The following NSD1 variants were observed in gnomAD, a reference collection of about 807,000 sequenced individuals.
The protein encoded by NSD1 is nuclear receptor binding SET domain protein 1.
In NSD1, 26 loss-of-function variants were observed where a neutral mutation model predicts 242.7. That is an observed-to-expected ratio of 0.11 (90% CI 0.08 to 0.15). NSD1 has a LOEUF of 0.15. Among genes scored for constraint, NSD1 ranks in the 10% least tolerant of loss-of-function variants. The pLI, the probability that NSD1 is intolerant of heterozygous loss-of-function variation, is 1.00. For missense variants in NSD1, 2,495 were observed against 3,272.8 expected (o/e 0.76, Z 5.80); for synonymous variants, 1,106 against 1,178.1 (o/e 0.94, Z 1.25).
chr5:177,260,172 A>G lies in NSD1; in HGVS notation c.5146+4A>G, dbSNP rs779891186. On this transcript the variant is annotated splice_donor_region_variant and intron_variant, in intron 14 of 22. Transcript: ENST00000439151. ...TGGTGCTTTGTGTGCTCAGAAGGTA[A>G]GAAATCATTTCTTCCTCTATTTGTA... 6.2e-7 allele frequency: 1 copy of G among 1,613,688 alleles called. No homozygotes were observed. Among genetic ancestry groups the G allele is most frequent in the Middle Eastern group, 1.6e-4 (1 of 6,068 alleles).
chr5:177,163,103 CAAAT>C (rs977076278), intron 2 of NSD1, among the ~76,000 whole-genome samples: 1 of 150,556 alleles, frequency 6.6e-6, no homozygotes, highest in South Asian at 2.1e-4. Flanking sequence ...CCTCAGTTGA[CAAAT>C]AATGCCAAAA....
chr5:177,209,568 T>C (rs915953775), intron 4 of NSD1, 68 bp from the exon 5 acceptor site: 55 of 1,194,788 alleles, frequency 4.6e-5, no homozygotes, highest in Non-Finnish European at 6.0e-5. Flanking sequence ...AAGCTTCTGA[T>C]TTCATCTCCC....
chr5:177,157,268 A>C (rs1758214620), intron 2 of NSD1, among the ~76,000 whole-genome samples: 1 of 151,842 alleles, frequency 6.6e-6, no homozygotes, highest in Non-Finnish European at 1.5e-5. Context: ...CGGGAGGCTG[A>C]GGTAGGAGAA....
intron 5 of NSD1, among the ~76,000 whole-genome samples, chr5:177,218,465 G>T (rs537061334): frequency 1.5e-4 from 23 of 151,772 alleles, no homozygotes; most frequent in African/African-American, 5.6e-4. Context: ...GTTTTTTTGG[G>T]GTCCTTTATT....
At chr5:177,275,216 T>A (rs1334990648) in intron 17 of NSD1, among the ~76,000 whole-genome samples, 1 of 151,976 alleles carries the variant, frequency 6.6e-6, no homozygotes, top group Non-Finnish European at 1.5e-5. Context: ...ATTTGCTAAA[T>A]CTGATAACCC....
In NSD1 at chr5:177,239,859, T is replaced by C; in HGVS notation, c.4296T>C (p.Ser1432=). The change falls in exon 8 of 23, where the codon TCT becomes TCC. Residue 1432 remains serine (S), a synonymous_variant. Coordinates refer to ENST00000439151, the MANE Select transcript of NSD1 (RefSeq NM_022455.5). ...FMPKKGDLGL[S]KKCYEAGHLE... ...CCAAGAAGGGGGACCTTGGCCTTTC[T>C]AAAAAGGTATGTTATTTTTGTAAGT... 6.4e-7 allele frequency: 1 copy of C among 1,574,286 alleles called. No homozygotes were observed. Among genetic ancestry groups the C allele is most frequent in the African/African-American group, 1.3e-5 (1 of 74,166 alleles).
intron 3 of NSD1, among the ~76,000 whole-genome samples, chr5:177,199,687 A>G (rs1040715550): frequency 2.0e-5 from 3 of 150,824 alleles, no homozygotes; most frequent in Non-Finnish European, 4.4e-5. Flanking sequence ...GCAACCTCTG[A>G]CATCCTGGTT....
chr5:177,241,508 C>CAAA (rs1284576458), intron 8 of NSD1, among the ~76,000 whole-genome samples: 3 of 141,002 alleles, frequency 2.1e-5, no homozygotes, highest in African/African-American at 7.8e-5. Context: ...CTCTCTCTCT[C>CAAA]AAAAAAAAAA....
intron 9 of NSD1, among the ~76,000 whole-genome samples, chr5:177,245,267 C>T (rs1766188216): frequency 6.6e-6 from 1 of 152,184 alleles, no homozygotes; most frequent in Admixed American, 6.5e-5. Context: ...ATAACAACAG[C>T]TCTTTTCCTG....
At chr5:177,260,972 CG>C (rs1445255929) in intron 14 of NSD1, among the ~76,000 whole-genome samples, 1 of 152,018 alleles carries the variant, frequency 6.6e-6, no homozygotes, top group Non-Finnish European at 1.5e-5. Flanking sequence ...ATGGAAAAAG[CG>C]AAGGGATTTG....
chr5:177,210,754 C>T lies in NSD1; in HGVS notation c.2355C>T (p.Pro785=). 6.2e-7 allele frequency: 1 copy of T among 1,614,188 alleles called. No homozygotes were observed. Among genetic ancestry groups the T allele is most frequent in the Non-Finnish European group, 8.5e-7 (1 of 1,180,032 alleles). ...QALLHSKSKQ[P]KFRSIKCKHK... is the part of the protein sequence containing the mutation. Reference sequence around the variant, plus strand: ...TATTACATTCGAAAAGCAAACAGCCCAAGTTCCGAAGTATAAAGTGCAAAC... The same window carrying T: ...TATTACATTCGAAAAGCAAACAGCCTAAGTTCCGAAGTATAAAGTGCAAAC... Residue 785 remains proline (P), a synonymous_variant, in exon 5 of 23, where the codon CCC becomes CCT. Coordinates refer to ENST00000439151, the MANE Select transcript of NSD1 (RefSeq NM_022455.5).
intron 2 of NSD1, among the ~76,000 whole-genome samples, chr5:177,152,370 T>C (rs1190762980): frequency 2.6e-5 from 4 of 151,778 alleles, no homozygotes; most frequent in Non-Finnish European, 5.9e-5. Context: ...TGTTTGTATA[T>C]ATTTATATTT....
At chr5:177,273,901 G>A (rs913301037) in intron 17 of NSD1, 117 bp downstream of exon 17, 1 of 708,714 alleles carries the variant, frequency 1.4e-6, no homozygotes. Flanking sequence ...GTAGAGGTAT[G>A]AGCTTAAAAG....
intron 13 of NSD1, 72 bp from the exon 14 acceptor site, chr5:177,259,917 G>T: frequency 6.5e-7 from 1 of 1,537,250 alleles, no homozygotes; most frequent in South Asian, 1.1e-5. Flanking sequence ...AAATAGACTT[G>T]AATAACTCAC....
chr5:177,133,111 TG>T (rs1755984760), upstream of NSD1: 1 of 152,812 alleles, frequency 6.5e-6, no homozygotes, highest in South Asian at 2.1e-4. This position sits in a 1 kb window ranked among gnomAD's most constrained non-coding sequence, Gnocchi z 6.2. Context: ...CGGCCGCGTC[TG>T]CTCGGGGCCT....
At chr5:177,286,465 A>G (rs79549418) in intron 20 of NSD1, among the ~76,000 whole-genome samples, 7,417 of 152,226 alleles carry the variant, frequency 0.049, 199 homozygotes, top group South Asian at 0.082. Context: ...TTAGATTTCT[A>G]CTTTGTAACA....
At chr5:177,260,314 C>A (rs1481522156) in intron 14 of NSD1, 146 bp downstream of exon 14, 1 of 736,156 alleles carries the variant, frequency 1.4e-6, no homozygotes, top group Admixed American at 2.4e-5. Context: ...AAATGATGTC[C>A]CGAATTAATG....
At chr5:177,205,855 T>G (rs1484518663) in intron 4 of NSD1, among the ~76,000 whole-genome samples, 1 of 152,074 alleles carries the variant, frequency 6.6e-6, no homozygotes, top group Non-Finnish European at 1.5e-5. Flanking sequence ...CGGGGGTCTC[T>G]CTATGTTGTT....
At chr5:177,161,347 C>T (rs1758730011) in intron 2 of NSD1, among the ~76,000 whole-genome samples, 2 of 151,830 alleles carry the variant, frequency 1.3e-5, no homozygotes, top group African/African-American at 4.8e-5. Flanking sequence ...TGCACTCCAG[C>T]CTGGGTGACA....
Sources: allele counts gnomAD v4.1 joint callset (sites outside exome capture counted in the v4.1 genomes callset), GRCh38; gene constraint gnomAD v4.1.1; non-coding constraint Gnocchi (gnomAD v3.1); transcripts MANE v1.5; gene names NCBI Gene and HGNC (gene_info 2026-07-23, HGNC 2026-07-21).